USP54: variants seen among roughly 807,000 people sequenced by gnomAD.
USP54 encodes the protein ubiquitin carboxyl-terminal hydrolase 54.
A neutral mutation model predicts 170.5 loss-of-function variants in USP54; 87 were observed. That is an observed-to-expected ratio of 0.51 (90% CI 0.43 to 0.61). The LOEUF is 0.61. Ranked by LOEUF, USP54 falls within the 20% of genes least tolerant of loss-of-function variation. USP54 has a pLI of 0.00. For synonymous variants in USP54, 655 were observed against 742.8 expected (o/e 0.88, Z 1.92); for missense variants, 1,786 against 2,047.8 (o/e 0.87, Z 2.47).
At chr10:73,532,112 G>A (rs16930678) in intron 12 of USP54, among the ~76,000 whole-genome samples, 4,491 of 152,022 alleles carry the variant, frequency 0.03, 222 homozygotes, top group African/African-American at 0.1. Context: ...TTATTTGGTC[G>A]TTTGCTACCT....
chr10:73,610,099 A>C (rs2080015513), intron 1 of USP54, among the ~76,000 whole-genome samples: 3 of 151,280 alleles, frequency 2.0e-5, no homozygotes, highest in Admixed American at 2.0e-4. Context: ...AATCACTTGA[A>C]CCTGGGAGGC....
chr10:73,547,431 C>G (rs924469303), intron 4 of USP54, among the ~76,000 whole-genome samples: 1 of 152,136 alleles, frequency 6.6e-6, no homozygotes, highest in African/African-American at 2.4e-5. Flanking sequence ...CCAAGACAAT[C>G]CTAAGCAAAA....
At chr10:73,596,164 A>G (rs1452475577), upstream of USP54, among the ~76,000 whole-genome samples, 1 of 151,058 alleles carries the variant, frequency 6.6e-6, no homozygotes, top group African/African-American at 2.4e-5. Context: ...GCTCACGCCT[A>G]TAATCCCATC....
intron 1 of USP54, among the ~76,000 whole-genome samples, chr10:73,623,208 C>T (rs760225304): frequency 3.9e-5 from 6 of 152,114 alleles, no homozygotes; most frequent in Middle Eastern, 6.8e-3. Flanking sequence ...CATAGCAAGA[C>T]CTCGTCTCTA....
At chr10:73,596,123 A>AT (rs1323114951), upstream of USP54, among the ~76,000 whole-genome samples, 1 of 149,246 alleles carries the variant, frequency 6.7e-6, no homozygotes, top group Non-Finnish European at 1.5e-5. Flanking sequence ...AAAAAAAAAA[A>AT]CAAAACAAAA....
At position 73,542,795 on chromosome 10, in the gene USP54, A is replaced by C. The variant is rs1356246679; in HGVS notation, c.572+8T>G. ...TAAACGCACAACAGAAAATCTTGTA[A>C]GACTCACCAAAGGGAAGTGGTGGAG... On this transcript the variant is annotated splice_region_variant and intron_variant, in intron 7 of 23. Coordinates refer to ENST00000687698, the MANE Select transcript of USP54 (RefSeq NM_001391956.1). The C allele has an allele frequency of 6.2e-7, 1 of 1,613,424 alleles. No individual in the cohort carries two copies. Among genetic ancestry groups the C allele is most frequent in the African/African-American group, 1.3e-5 (1 of 74,880 alleles).
At chr10:73,516,307 G>T in intron 20 of USP54, 68 bp downstream of exon 20, 2 of 1,502,892 alleles carry the variant, frequency 1.3e-6, no homozygotes, top group Non-Finnish European at 1.8e-6. Context: ...ACTCCCTTCT[G>T]ATCTTTCCCT....
chr10:73,580,254 C>T (rs2076709817), intron 1 of USP54, among the ~76,000 whole-genome samples: 1 of 144,906 alleles, frequency 6.9e-6, no homozygotes. Context: ...AGGAGGTGGA[C>T]ATTGCAGTGA....
At chr10:73,516,295 A>G in intron 20 of USP54, 80 bp downstream of exon 20, 1 of 1,451,326 alleles carries the variant, frequency 6.9e-7, no homozygotes, top group Non-Finnish European at 9.3e-7. Context: ...TCTGTATAGA[A>G]CACTCCCTTC....
chr10:73,587,189 G>A (rs1015959854), intron 1 of USP54, among the ~76,000 whole-genome samples: 33 of 151,976 alleles, frequency 2.2e-4, no homozygotes, highest in African/African-American at 6.0e-4. Context: ...TATACCCTCT[G>A]CAGGCCGGGT....
In USP54 at chr10:73,545,583, T is replaced by C. The variant is rs61865841; in HGVS notation, c.330A>G (p.Glu110=). 18 of 1,614,070 alleles carry C rather than the reference T, an allele frequency of 1.1e-5. No individual in the cohort carries two copies. The highest frequency in any genetic ancestry group is 1.4e-5 in the Non-Finnish European group (16 of 1,180,026). ...RSALAKTFQD[E]QRFQLGIMDD... ...CCATAATTCCCAGCTGGAAACGTTG[T>C]TCATCCTGGAAAGTCTTTGCCAGAG... The change falls in exon 5 of 24, where the codon GAA becomes GAG. Residue 110 remains glutamate (E), a synonymous_variant. Transcript: ENST00000687698.
chr10:73,561,231 A>C (rs78813383), intron 4 of USP54, among the ~76,000 whole-genome samples: 13,080 of 152,138 alleles, frequency 0.086, 835 homozygotes, highest in African/African-American at 0.18. Flanking sequence ...GTGAGAAATA[A>C]CAAGAGAGAA....
chr10:73,510,257 C>A (rs2059984331), intron 20 of USP54, among the ~76,000 whole-genome samples: 1 of 151,888 alleles, frequency 6.6e-6, no homozygotes, highest in South Asian at 2.1e-4. Flanking sequence ...ATCACTTGAA[C>A]CCGGGAGGCG....
chr10:73,521,440 G>C (rs1329418636), intron 17 of USP54, among the ~76,000 whole-genome samples: 1 of 152,180 alleles, frequency 6.6e-6, no homozygotes, highest in East Asian at 1.9e-4. Flanking sequence ...TGCAATTCTT[G>C]CCAACTAGTG....
intron 1 of USP54, among the ~76,000 whole-genome samples, chr10:73,605,033 G>C (rs1313362834): frequency 6.6e-6 from 1 of 152,056 alleles, no homozygotes; most frequent in African/African-American, 2.4e-5. Context: ...GCTGAATGAT[G>C]CATTTACAAT....
At chr10:73,511,779 G>A (rs1407878195) in intron 20 of USP54, among the ~76,000 whole-genome samples, 2 of 146,118 alleles carry the variant, frequency 1.4e-5, no homozygotes, top group Non-Finnish European at 3.0e-5. Flanking sequence ...TTTCACTCTT[G>A]TCACCCAGGC....
At chr10:73,543,398 G>A (rs186912763) in intron 5 of USP54, among the ~76,000 whole-genome samples, 7 of 151,944 alleles carry the variant, frequency 4.6e-5, no homozygotes, top group East Asian at 1.9e-4. Flanking sequence ...ATGGAGTCTC[G>A]CTCTGTCACC....
intron 15 of USP54, among the ~76,000 whole-genome samples, chr10:73,527,269 G>A (rs2063038996): frequency 6.6e-6 from 1 of 152,156 alleles, no homozygotes; most frequent in African/African-American, 2.4e-5. Flanking sequence ...GGAGGCTGAG[G>A]CAGGCGGATC....
rs574131525 is a variant in USP54, at chr10:73,566,464, T to G, written c.240+4957A>C. 2.0e-3 allele frequency among the ~76,000 whole-genome samples: 297 copies of G among 152,270 alleles called. 3 individuals are homozygous for G. Among genetic ancestry groups the G allele is most frequent in the Middle Eastern group, 0.01 (3 of 294 alleles). On this transcript the variant is annotated intron_variant, in intron 4 of 23. Transcript: ENST00000687698. ...AAACAAGGAAATGGGCCAGGCGCAG[T>G]GGCTCACGCCTGTAATCCCAGCACT...
Sources: allele counts gnomAD v4.1 joint callset (sites outside exome capture counted in the v4.1 genomes callset), GRCh38; gene constraint gnomAD v4.1.1; transcripts MANE v1.5; gene names NCBI Gene and HGNC (gene_info 2026-07-23, HGNC 2026-07-21).